Variants in GAREM1 observed in about 807,000 individuals in gnomAD.
GAREM1 encodes the protein GRB2 associated regulator of MAPK1 subtype 1, also known as GRB2-associated and regulator of MAPK protein 1.
In GAREM1, 26 loss-of-function variants were observed where a neutral mutation model predicts 71.3. That is an observed-to-expected ratio of 0.36 (90% CI 0.27 to 0.51). The LOEUF is 0.51. Ranked by LOEUF, GAREM1 falls within the 20% of genes least tolerant of loss-of-function variation. The probability of loss-of-function intolerance (pLI) is 0.95; values close to 1 mark genes in which losing one functional copy is unlikely to be tolerated. For missense variants in GAREM1, 1,026 were observed against 1,103.1 expected, an observed-to-expected ratio of 0.93 and a Z score of 0.99; for synonymous variants, 440 against 433.2, an observed-to-expected ratio of 1.02 and a Z score of -0.20.
chr18:32,269,102 T>C (rs1164035913), intron 5 of GAREM1, among the ~76,000 whole-genome samples: 1 of 152,116 alleles, frequency 6.6e-6, no homozygotes, highest in Non-Finnish European at 1.5e-5. Flanking sequence ...GGTGCCATGA[T>C]TGATGAATGA....
rs1465170524 is a variant in GAREM1, at chr18:32,267,018, T to C, written c.*853A>G. On this transcript the variant is annotated 3_prime_UTR_variant, in exon 6 of 6. Transcript: ENST00000269209. ...TAAGATTGAGCTTCAAGAGACAGGGTTCTGAGAATCTTTGGAGTCATTCTG... is the reference window on the plus strand; with the variant it reads ...TAAGATTGAGCTTCAAGAGACAGGGCTCTGAGAATCTTTGGAGTCATTCTG... 1.3e-5 allele frequency: 2 copies of C among 152,176 alleles called. No homozygotes were observed. The highest frequency in any genetic ancestry group is 4.8e-5 in the African/African-American group (2 of 41,446). 9.4% of individuals were successfully genotyped at this position (152,176 alleles called of 1,614,324 possible).
At chr18:32,337,953 C>A (rs1268101880) in intron 2 of GAREM1, among the ~76,000 whole-genome samples, 1 of 152,138 alleles carries the variant, frequency 6.6e-6, no homozygotes, top group Non-Finnish European at 1.5e-5. Context: ...ACCAAACAAA[C>A]TGGAAGGAGG....
intron 1 of GAREM1, among the ~76,000 whole-genome samples, chr18:32,409,775 T>C (rs2048399775): frequency 6.6e-6 from 1 of 152,178 alleles, no homozygotes. Context: ...ATAAGATTTC[T>C]ACGCCAAGCA....
chr18:32,357,571 G>A (rs1377145457), intron 2 of GAREM1, among the ~76,000 whole-genome samples: 2 of 152,152 alleles, frequency 1.3e-5, no homozygotes, highest in African/African-American at 4.8e-5. Context: ...ATTACAGACT[G>A]GGAAGAAGGA....
intron 1 of GAREM1, among the ~76,000 whole-genome samples, chr18:32,430,084 A>C (rs2048609599): frequency 6.6e-6 from 1 of 152,222 alleles, no homozygotes; most frequent in Admixed American, 6.5e-5. Flanking sequence ...GCTCAGTGGG[A>C]TCAAAGCGAG....
At chr18:32,414,301 A>G (rs2048446985) in intron 1 of GAREM1, among the ~76,000 whole-genome samples, 1 of 152,154 alleles carries the variant, frequency 6.6e-6, no homozygotes, top group South Asian at 2.1e-4. Flanking sequence ...ACTATTTTCT[A>G]AACTTTCTCA....
chr18:32,430,105 T>A (rs182095790), intron 1 of GAREM1, among the ~76,000 whole-genome samples: 1 of 152,202 alleles, frequency 6.6e-6, no homozygotes, highest in East Asian at 1.9e-4. Context: ...GGGTGGTAAG[T>A]GGAAGAAACA....
At chr18:32,328,719 A>G (rs1189381362) in intron 2 of GAREM1, among the ~76,000 whole-genome samples, 5 of 152,226 alleles carry the variant, frequency 3.3e-5, no homozygotes, top group Non-Finnish European at 7.3e-5. Flanking sequence ...GGCTCATTAT[A>G]TGGAGAAAAA....
chr18:32,467,729 T>C (rs1048446533), intron 1 of GAREM1, among the ~76,000 whole-genome samples: 8 of 152,280 alleles, frequency 5.3e-5, no homozygotes, highest in Non-Finnish European at 1.2e-4. Flanking sequence ...TAAAAACAAG[T>C]GATTTGAAAA....
At position 32,392,938 on chromosome 18, in the gene GAREM1, G is replaced by C; in HGVS notation, c.219C>G (p.His73Gln). Residue 73 changes from histidine to glutamine, a missense_variant, in exon 2 of 6, where the codon CAC (histidine) becomes CAG (glutamine). Physicochemically the swap from His to Gln is conservative, Grantham distance 24 (BLOSUM62 0). Transcript: ENST00000269209. ...TCTCTATCTTTGGCCCAATGACATA[G>C]TGACCCTCCTCCAAGCTGTGGGCAG... ...TITAHSLEEGHYVIGPKIEIP... is the reference protein window; with the variant it reads ...TITAHSLEEGQYVIGPKIEIP... The C allele has an allele frequency of 1.9e-6, 3 of 1,613,862 alleles. No individual in the cohort carries two copies. The highest frequency in any genetic ancestry group is 2.5e-6 in the Non-Finnish European group (3 of 1,179,888).
chr18:32,268,989 G>A (rs2041417650), intron 5 of GAREM1, among the ~76,000 whole-genome samples: 1 of 152,036 alleles, frequency 6.6e-6, no homozygotes, highest in African/African-American at 2.4e-5. Flanking sequence ...CTACAGTGGA[G>A]ATAAAATAAA....
rs185520025 is a variant in GAREM1, at chr18:32,399,427, C to A, written c.122-6392G>T. On this transcript the variant is annotated intron_variant, in intron 1 of 5. Coordinates refer to ENST00000269209, the MANE Select transcript of GAREM1 (RefSeq NM_001242409.2). ...TGATTGTATATTTAGAAAACCCCAT[C>A]GTCTCAGCCCAAAATCTCCTTAAGC... is the stretch of plus-strand genomic sequence containing the variant. Among the ~76,000 whole-genome samples the A allele has an allele frequency of 6.7e-3, 1,014 of 152,256 alleles. 3 individuals carry two copies. Among genetic ancestry groups the A allele is most frequent in the South Asian group, 0.023 (111 of 4,824 alleles).
intron 4 of GAREM1, among the ~76,000 whole-genome samples, chr18:32,282,750 G>C (rs1341270017): frequency 1.3e-5 from 2 of 152,164 alleles, no homozygotes; most frequent in Non-Finnish European, 2.9e-5. Context: ...TCATTGCATA[G>C]ACGAGAACAG....
intron 4 of GAREM1, among the ~76,000 whole-genome samples, chr18:32,281,198 T>C (rs1410618106): frequency 6.6e-6 from 1 of 152,196 alleles, no homozygotes; most frequent in East Asian, 1.9e-4. Flanking sequence ...TTGAAATCGA[T>C]GTGCAGCTCT....
rs1491125193 is a variant in GAREM1, at chr18:32,460,114, TTA to T, written c.121+10192_121+10193del. Among the ~76,000 whole-genome samples, 322 of 137,608 alleles carry T rather than the reference TTA, an allele frequency of 2.3e-3. 3 individuals carry two copies. The highest frequency in any genetic ancestry group is 9.0e-3 in the African/African-American group (303 of 33,680). 90.3% of individuals were successfully genotyped at this position (137,608 alleles called of 152,430 possible). A position where few individuals can be genotyped will look rare whatever the true frequency, so the allele number is the denominator to read the frequency against. ...ATAATTGAGAAAACTGTCATCTTATTTAAAAAAAAAAAAAAAAAAAAGTCTGA... is the reference window on the plus strand; with the variant it reads ...ATAATTGAGAAAACTGTCATCTTATTAAAAAAAAAAAAAAAAAAAGTCTGA... On this transcript the variant is annotated intron_variant, in intron 1 of 5. Coordinates refer to ENST00000269209, the MANE Select transcript of GAREM1 (RefSeq NM_001242409.2).
intron 1 of GAREM1, among the ~76,000 whole-genome samples, chr18:32,450,837 G>T (rs1233603066): frequency 2.0e-5 from 3 of 152,090 alleles, no homozygotes; most frequent in African/African-American, 7.2e-5. Context: ...CTGAACAGAA[G>T]CTTTAAGGGG....
At chr18:32,452,609 G>A (rs2048850673) in intron 1 of GAREM1, among the ~76,000 whole-genome samples, 1 of 152,148 alleles carries the variant, frequency 6.6e-6, no homozygotes, top group Admixed American at 6.5e-5. Context: ...AATTGTCTAA[G>A]CACCTACCTA....
At chr18:32,440,613 C>T (rs2048726084) in intron 1 of GAREM1, among the ~76,000 whole-genome samples, 2 of 152,166 alleles carry the variant, frequency 1.3e-5, no homozygotes, top group South Asian at 2.1e-4. Context: ...GGAATGTATC[C>T]TACAATCATT....
intron 2 of GAREM1, among the ~76,000 whole-genome samples, chr18:32,370,759 T>TTA (rs1038324091): frequency 2.6e-5 from 4 of 152,188 alleles, no homozygotes; most frequent in Non-Finnish European, 4.4e-5. Context: ...TTTACAATTT[T>TTA]TATATATATA....
Sources: allele counts gnomAD v4.1 joint callset (sites outside exome capture counted in the v4.1 genomes callset), GRCh38; gene constraint gnomAD v4.1.1; transcripts MANE v1.5; gene names NCBI Gene and HGNC (gene_info 2026-07-23, HGNC 2026-07-21).